The following TAS2R1 variants were observed in gnomAD, a reference collection of about 807,000 sequenced individuals.
TAS2R1 encodes the protein taste 2 receptor member 1, also known as taste receptor type 2 member 1.
For synonymous variants in TAS2R1, 141 were observed against 134.2 expected (o/e 1.05, Z -0.35); for missense variants, 370 against 353.4 (o/e 1.05, Z -0.38).
At chr5:9,637,243 T>C (rs561661298) in intron 2 of TAS2R1, among the ~76,000 whole-genome samples, 1 of 152,318 alleles carries the variant, frequency 6.6e-6, no homozygotes, top group East Asian at 1.9e-4. Flanking sequence ...TTCAGGAGGC[T>C]AAAAATGGAA....
At chr5:9,755,493 G>T in the TAS2R1 span, among the ~76,000 whole-genome samples, 14 of 151,420 alleles carry the variant, frequency 9.2e-5, no homozygotes, top group African/African-American at 3.4e-4. Context: ...AGGCTGAGGC[G>T]GGAGAATTGC....
At chr5:9,875,251 G>A in the TAS2R1 span, among the ~76,000 whole-genome samples, 2 of 152,170 alleles carry the variant, frequency 1.3e-5, no homozygotes, top group Non-Finnish European at 2.9e-5. Context: ...GAGTGGTCGG[G>A]AATGTGGTGG....
At chr5:9,693,751 A>C (rs1741300984) in intron 1 of TAS2R1, among the ~76,000 whole-genome samples, 1 of 152,082 alleles carries the variant, frequency 6.6e-6, no homozygotes, top group African/African-American at 2.4e-5. Context: ...TCCCCAGAGT[A>C]AGACTGCCGA....
chr5:9,869,127 C>A, the TAS2R1 span, among the ~76,000 whole-genome samples: 23 of 152,334 alleles, frequency 1.5e-4, no homozygotes, highest in African/African-American at 5.3e-4. Context: ...ACTGTTCCAA[C>A]CTCTGCCTGT....
At chr5:9,714,529 T>C (rs1475778922), upstream of TAS2R1, among the ~76,000 whole-genome samples, 1 of 152,228 alleles carries the variant, frequency 6.6e-6, no homozygotes, top group Non-Finnish European at 1.5e-5. Context: ...CTCTCTGACC[T>C]GCAGTACTCT....
intron 1 of TAS2R1, among the ~76,000 whole-genome samples, chr5:9,695,236 T>C (rs559602676): frequency 5.9e-5 from 9 of 152,242 alleles, no homozygotes; most frequent in Admixed American, 3.3e-4. Context: ...ACTGTTTTTG[T>C]AGTTTTAGTT....
At chr5:9,766,492 T>G in the TAS2R1 span, among the ~76,000 whole-genome samples, 3 of 152,234 alleles carry the variant, frequency 2.0e-5, no homozygotes, top group Non-Finnish European at 4.4e-5. Flanking sequence ...ATTTTCTACA[T>G]GCATTCCTGC....
the TAS2R1 span, among the ~76,000 whole-genome samples, chr5:9,775,157 TC>T: frequency 6.6e-6 from 1 of 151,996 alleles, no homozygotes; most frequent in Admixed American, 6.6e-5. Flanking sequence ...ACAAAGTCTT[TC>T]CCACTCCTGC....
the TAS2R1 span, among the ~76,000 whole-genome samples, chr5:9,753,721 T>C: frequency 6.6e-6 from 1 of 152,228 alleles, no homozygotes; most frequent in Non-Finnish European, 1.5e-5. Flanking sequence ...AATTAATTTT[T>C]GTATAAGGTG....
the TAS2R1 span, among the ~76,000 whole-genome samples, chr5:9,735,650 T>C: frequency 8.5e-5 from 13 of 152,120 alleles, no homozygotes; most frequent in Non-Finnish European, 1.6e-4. Flanking sequence ...CCCCCCACCA[T>C]GGTGAAAACT....
the TAS2R1 span, among the ~76,000 whole-genome samples, chr5:9,777,969 T>C: frequency 1.3e-5 from 2 of 150,570 alleles, no homozygotes; most frequent in South Asian, 4.2e-4. Context: ...CAAGCTCCGC[T>C]TCCCGGGTTC....
the TAS2R1 span, among the ~76,000 whole-genome samples, chr5:9,727,349 A>G: frequency 1.3e-5 from 2 of 152,240 alleles, no homozygotes; most frequent in Non-Finnish European, 2.9e-5. Flanking sequence ...AATTAGTCTC[A>G]GATAACACTT....
chr5:9,893,543 CA>C, the TAS2R1 span, among the ~76,000 whole-genome samples: 1 of 152,088 alleles, frequency 6.6e-6, no homozygotes, highest in Non-Finnish European at 1.5e-5. Context: ...CGGTCCACTT[CA>C]AAATTTTTTT....
chr5:9,797,201 T>C, the TAS2R1 span, among the ~76,000 whole-genome samples: 1 of 152,160 alleles, frequency 6.6e-6, no homozygotes, highest in Non-Finnish European at 1.5e-5. Context: ...CGGGGAAGAC[T>C]TGGCAATATT....
chr5:9,684,180 A>C (rs549012659), intron 1 of TAS2R1, among the ~76,000 whole-genome samples: 9 of 152,236 alleles, frequency 5.9e-5, no homozygotes, highest in Non-Finnish European at 1.2e-4. Flanking sequence ...TGGATAAAGA[A>C]CATGTGGCAT....
At chr5:9,891,597 T>C in the TAS2R1 span, among the ~76,000 whole-genome samples, 1 of 151,968 alleles carries the variant, frequency 6.6e-6, no homozygotes, top group African/African-American at 2.4e-5. Flanking sequence ...GCCCACAAAG[T>C]GTACCTACTT....
the TAS2R1 span, among the ~76,000 whole-genome samples, chr5:9,733,894 G>T: frequency 2.0e-5 from 3 of 151,610 alleles, no homozygotes; most frequent in Admixed American, 6.6e-5. Flanking sequence ...ATTATGAAGT[G>T]TAAACATTAA....
chr5:9,861,798 C>T, the TAS2R1 span, among the ~76,000 whole-genome samples: 1 of 152,206 alleles, frequency 6.6e-6, no homozygotes, highest in Admixed American at 6.5e-5. Context: ...TACAGAGAAG[C>T]AGTGCTTATC....
intron 1 of TAS2R1, among the ~76,000 whole-genome samples, chr5:9,686,057 G>T (rs550316345): frequency 3.9e-5 from 6 of 152,160 alleles, no homozygotes; most frequent in Admixed American, 3.3e-4. Flanking sequence ...TAGAGACAGG[G>T]TTTCGCCATG....
Sources: allele counts gnomAD v4.1 joint callset (sites outside exome capture counted in the v4.1 genomes callset), GRCh38; gene constraint gnomAD v4.1.1; transcripts MANE v1.5; gene names NCBI Gene and HGNC (gene_info 2026-07-23, HGNC 2026-07-21).